The following PXDNL variants were observed in gnomAD, a reference collection of about 807,000 sequenced individuals.
PXDNL encodes the protein probable oxidoreductase PXDNL.
PXDNL carries 145 observed loss-of-function variants against 150.8 expected under a neutral mutation model. The ratio of observed to expected loss-of-function variants is 0.96; its 90% CI spans 0.84 to 1.10. The LOEUF (loss-of-function observed/expected upper bound fraction) is 1.10. Among genes scored for constraint, PXDNL ranks in the 50% least tolerant of loss-of-function variants. PXDNL has a pLI of 0.00. For synonymous variants in PXDNL, 757 were observed against 725.7 expected (o/e 1.04, Z -0.69); for missense variants, 2,087 against 1,873.9 (o/e 1.11, Z -2.10).
At chr8:51,789,455 G>A (rs2037490761) in intron 1 of PXDNL, among the ~76,000 whole-genome samples, 1 of 152,132 alleles carries the variant, frequency 6.6e-6, no homozygotes, top group African/African-American at 2.4e-5. Flanking sequence ...AGTAGTGCCA[G>A]GGCAGCTCTT....
At chr8:51,671,448 A>C (rs1177289542) in intron 1 of PXDNL, among the ~76,000 whole-genome samples, 2 of 152,122 alleles carry the variant, frequency 1.3e-5, no homozygotes, top group Non-Finnish European at 2.9e-5. Flanking sequence ...GACCTCTATA[A>C]TTTTTCACTT....
intron 3 of PXDNL, among the ~76,000 whole-genome samples, chr8:51,558,963 G>A (rs1039286082): frequency 6.6e-6 from 1 of 151,858 alleles, no homozygotes; most frequent in Non-Finnish European, 1.5e-5. Context: ...AATGAGTTCT[G>A]GGCTGGGGTT....
intron 1 of PXDNL, among the ~76,000 whole-genome samples, chr8:51,718,073 A>G (rs562970989): frequency 2.0e-4 from 30 of 152,154 alleles, no homozygotes; most frequent in African/African-American, 7.2e-4. Context: ...AGCAGTCACC[A>G]CTTGTCTTAA....
At chr8:51,445,457 C>T (rs191543985) in intron 12 of PXDNL, among the ~76,000 whole-genome samples, 101 of 152,278 alleles carry the variant, frequency 6.6e-4, no homozygotes, top group Non-Finnish European at 1.1e-3. Flanking sequence ...TTCTCACCTA[C>T]GGATATGTAG....
chr8:51,520,008 A>G (rs2130379084), intron 4 of PXDNL, among the ~76,000 whole-genome samples: 1 of 152,218 alleles, frequency 6.6e-6, no homozygotes, highest in African/African-American at 2.4e-5. Flanking sequence ...ACAAGGTGGG[A>G]ATTTGGAGGA....
chr8:51,446,836 G>C (rs1382583621), intron 12 of PXDNL, among the ~76,000 whole-genome samples, 168 bp downstream of exon 12: 1 of 151,832 alleles, frequency 6.6e-6, no homozygotes, highest in Non-Finnish European at 1.5e-5. Context: ...AAAAACTGAA[G>C]TTATATAAAA....
At position 51,560,551 on chromosome 8, in the gene PXDNL, T is replaced by A. The variant is rs186942235; in HGVS notation, c.309-3640A>T. ...TTACAAGAGTACCAAGAATACACAA[T>A]GAGGAAAGGAAAATCTGTTCAATAA... is the stretch of plus-strand genomic sequence containing the variant. On this transcript the variant is annotated intron_variant, in intron 3 of 22. Coordinates refer to ENST00000356297, the MANE Select transcript of PXDNL (RefSeq NM_144651.5). 3.3e-5 allele frequency among the ~76,000 whole-genome samples: 5 copies of A among 151,878 alleles called. No individual in the cohort carries two copies. In the East Asian group the frequency reaches 9.7e-4, roughly 30 times the overall value.
intron 12 of PXDNL, among the ~76,000 whole-genome samples, chr8:51,436,870 C>T (rs1809419767): frequency 6.6e-6 from 1 of 151,978 alleles, no homozygotes; most frequent in South Asian, 2.1e-4. Flanking sequence ...AGCAGAACTA[C>T]ATGAAATTGA....
rs566731822 is a variant in PXDNL at position 51,344,125 on chromosome 8, T to C, written c.4016+1708A>G. Among the ~76,000 whole-genome samples the C allele has an allele frequency of 1.6e-4, 24 of 152,226 alleles. 1 individual carries two copies. The South Asian group carries it at 5.0e-3, about 32-fold the overall frequency. On this transcript the variant is annotated intron_variant, in intron 20 of 22. Coordinates refer to ENST00000356297, the MANE Select transcript of PXDNL (RefSeq NM_144651.5). ...TTTGTTTGTTTTTTATAGAGGTCTA[T>C]AGACAGTCTCGTTCTATCACTCAGG...
At chr8:51,751,051 A>G (rs1265764932) in intron 1 of PXDNL, among the ~76,000 whole-genome samples, 1 of 145,264 alleles carries the variant, frequency 6.9e-6, no homozygotes, top group African/African-American at 2.6e-5. Context: ...GAAAAGTTTT[A>G]ATTTTTATAG....
At chr8:51,582,529 T>G (rs533992439) in intron 3 of PXDNL, among the ~76,000 whole-genome samples, 1 of 152,264 alleles carries the variant, frequency 6.6e-6, no homozygotes, top group African/African-American at 2.4e-5. Flanking sequence ...ATATTCAGGG[T>G]CATAGAGTTC....
At chr8:51,754,952 G>T (rs1410980121) in intron 1 of PXDNL, among the ~76,000 whole-genome samples, 1 of 152,110 alleles carries the variant, frequency 6.6e-6, no homozygotes, top group African/African-American at 2.4e-5. Context: ...CAAACTCCTG[G>T]CCTCACGGGA....
In PXDNL at chr8:51,345,825, A is replaced by G; in HGVS notation, c.4016+8T>C. 6.6e-7 allele frequency: 1 copy of G among 1,519,570 alleles called. No homozygotes were observed. Among genetic ancestry groups the G allele is most frequent in the South Asian group, 1.1e-5 (1 of 88,730 alleles). The allele number at this position is 1,519,570 out of a possible 1,614,324, so 94.1% of individuals were successfully genotyped here. A position where few individuals can be genotyped will look rare whatever the true frequency, so the allele number is the denominator to read the frequency against. Reference sequence around the variant, plus strand: ...TTGCCTAAAGAAATGAGATATTTCTATACATACCTACTTCTTAGATGACTT... The same window carrying G: ...TTGCCTAAAGAAATGAGATATTTCTGTACATACCTACTTCTTAGATGACTT... On this transcript the variant is annotated splice_region_variant and intron_variant, in intron 20 of 22. Coordinates refer to ENST00000356297, the MANE Select transcript of PXDNL (RefSeq NM_144651.5).
At chr8:51,531,217 C>A (rs1811895779) in intron 4 of PXDNL, among the ~76,000 whole-genome samples, 1 of 152,168 alleles carries the variant, frequency 6.6e-6, no homozygotes. Context: ...AATTGCTTAA[C>A]CAAGGAATTG....
chr8:51,729,692 C>T (rs1040953927), intron 1 of PXDNL, among the ~76,000 whole-genome samples: 1 of 152,172 alleles, frequency 6.6e-6, no homozygotes, highest in African/African-American at 2.4e-5. Context: ...AACCTGCACA[C>T]AGATGTTTAT....
intron 3 of PXDNL, among the ~76,000 whole-genome samples, chr8:51,586,517 T>C (rs145028634): frequency 6.6e-6 from 1 of 152,292 alleles, no homozygotes; most frequent in African/African-American, 2.4e-5. Context: ...TTTGTTAAGA[T>C]TGTCATTAAA....
At chr8:51,695,474 ACACACACG>A (rs998092380) in intron 1 of PXDNL, among the ~76,000 whole-genome samples, 2 of 151,946 alleles carry the variant, frequency 1.3e-5, no homozygotes, top group African/African-American at 2.4e-5. Context: ...GTGCTACAAC[ACACACACG>A]CACACACGCA....
intron 3 of PXDNL, among the ~76,000 whole-genome samples, chr8:51,587,238 G>A (rs1813344635): frequency 6.6e-6 from 1 of 152,066 alleles, no homozygotes; most frequent in Non-Finnish European, 1.5e-5. Context: ...CTTAAGGGTT[G>A]CTAAATCAAA....
At chr8:51,775,809 G>T (rs2037346568) in intron 1 of PXDNL, among the ~76,000 whole-genome samples, 1 of 152,186 alleles carries the variant, frequency 6.6e-6, no homozygotes, top group East Asian at 1.9e-4. Context: ...CTTGAAAAAA[G>T]AACAGGATAA....
Sources: gnomAD v4.1 joint callset for allele counts (sites outside exome capture counted in the v4.1 genomes callset) on GRCh38, gnomAD v4.1.1 for gene constraint, MANE v1.5 for transcripts, NCBI Gene and HGNC (gene_info 2026-07-23, HGNC 2026-07-21) for gene names.